DPF3: variants seen among roughly 807,000 people sequenced by gnomAD.
DPF3 encodes the protein zinc finger protein DPF3.
Under a neutral mutation model 56.8 loss-of-function variants are expected in DPF3, and 18 were observed. That is an observed-to-expected ratio of 0.32 (90% CI 0.22 to 0.47). DPF3 has a LOEUF of 0.47. Among genes scored for constraint, DPF3 ranks in the 20% least tolerant of loss-of-function variants. The pLI, the probability that DPF3 is intolerant of heterozygous loss-of-function variation, is 1.00. For missense variants in DPF3, 403 were observed against 488.8 expected, an observed-to-expected ratio of 0.82 and a Z score of 1.65; for synonymous variants, 188 against 180.2, an observed-to-expected ratio of 1.04 and a Z score of -0.35.
chr14:72,853,034 C>G (rs201025315), intron 1 of DPF3, among the ~76,000 whole-genome samples: 40 of 144,112 alleles, frequency 2.8e-4, no homozygotes, highest in African/African-American at 1.0e-3. Context: ...CATAGCCTTG[C>G]GTGTGTGTGT....
chr14:72,844,223 G>A (rs775862819), intron 1 of DPF3, among the ~76,000 whole-genome samples: 6 of 152,120 alleles, frequency 3.9e-5, no homozygotes, highest in African/African-American at 7.2e-5. Flanking sequence ...AGAACAAAAC[G>A]TTAGAAAACT....
chr14:72,716,593 T>C (rs1888938547), intron 5 of DPF3, among the ~76,000 whole-genome samples: 1 of 152,118 alleles, frequency 6.6e-6, no homozygotes, highest in Non-Finnish European at 1.5e-5. Context: ...GGTTTACAAG[T>C]TGATTTTGTC....
At chr14:72,831,586 G>A (rs535910445) in intron 1 of DPF3, among the ~76,000 whole-genome samples, 1 of 152,322 alleles carries the variant, frequency 6.6e-6, no homozygotes, top group South Asian at 2.1e-4. Flanking sequence ...GGGAAACTGA[G>A]GCTCAGAGAG....
intron 1 of DPF3, among the ~76,000 whole-genome samples, chr14:72,782,781 C>A (rs543880735): frequency 3.9e-5 from 6 of 151,994 alleles, no homozygotes; most frequent in Middle Eastern, 3.4e-3. Flanking sequence ...TGCAGTGAGC[C>A]GAGATTGCAC....
chr14:72,795,579 A>T (rs1892616777), intron 1 of DPF3, among the ~76,000 whole-genome samples: 1 of 152,188 alleles, frequency 6.6e-6, no homozygotes, highest in African/African-American at 2.4e-5. Context: ...TTATTCTATT[A>T]GTTTGGTTCT....
intron 1 of DPF3, among the ~76,000 whole-genome samples, chr14:72,801,801 A>G (rs1013889093): frequency 6.6e-6 from 1 of 152,202 alleles, no homozygotes; most frequent in Admixed American, 6.5e-5. Flanking sequence ...AAGACACAAC[A>G]CGGGAGGACC....
intron 3 of DPF3, among the ~76,000 whole-genome samples, chr14:72,746,742 C>T (rs1450444094): frequency 1.3e-5 from 2 of 152,246 alleles, no homozygotes; most frequent in African/African-American, 4.8e-5. Flanking sequence ...CTGGGGTGGA[C>T]TTTCACCACT....
At chr14:72,887,740 G>A (rs775797306) in intron 1 of DPF3, among the ~76,000 whole-genome samples, 18 of 152,238 alleles carry the variant, frequency 1.2e-4, no homozygotes, top group Non-Finnish European at 1.8e-4. Flanking sequence ...CTCTGGAAGC[G>A]GAGCTCAAGG....
Position 72,753,364 on chromosome 14 carries a change from G to A in DPF3, c.201C>T (p.Ala67=). 1 of 1,611,088 alleles carries A rather than the reference G, an allele frequency of 6.2e-7. No homozygotes were observed. Among genetic ancestry groups the A allele is most frequent in the Non-Finnish European group, 8.5e-7 (1 of 1,179,328 alleles). The stretch of plus-strand genomic sequence containing the variant: ...CAGGGTATGTATACAGCTGGCCCGG[G>A]GCAAGGCCTGTGGACAGAGACAATA... ...MEKRHRGPGL[A]PGQLYTYPAR... The change falls in exon 3 of 11, where the codon GCC becomes GCT. Residue 67 remains alanine (A), a synonymous_variant. Transcript: ENST00000556509.
chr14:72,794,029 C>T (rs907823280), intron 1 of DPF3, among the ~76,000 whole-genome samples: 3 of 152,210 alleles, frequency 2.0e-5, no homozygotes, highest in African/African-American at 7.2e-5. Flanking sequence ...CATGCTGCCC[C>T]ATGTGGGAGG....
chr14:72,793,168 C>T (rs191322528), intron 1 of DPF3, among the ~76,000 whole-genome samples: 5 of 152,252 alleles, frequency 3.3e-5, no homozygotes, highest in South Asian at 2.1e-4. Flanking sequence ...TGATCACTAC[C>T]GCAAATGAAG....
rs768795996 is a variant in DPF3, at chr14:72,771,744, T to C, written c.182A>G (p.His61Arg). ...GTGGCGCAGCTCACCTGGGCCTCGG[T>C]GCCTCTTCTCCATCCAGATGTAGCA... ...NNCYIWMEKR[H>R]RGPGLAPGQL... The change falls in exon 2 of 11, where the codon CAC becomes CGC. Residue 61 changes from histidine (H) to arginine (R), a missense_variant. By Grantham distance (29) the His-to-Arg change is conservative. Around this residue, in one of 2 missense-constraint regions of DPF3, gnomAD observed 340 missense variants for 374.3 expected, o/e 0.91. Coordinates refer to ENST00000556509, the MANE Select transcript of DPF3 (RefSeq NM_001280542.3). The C allele has an allele frequency of 8.7e-6, 14 of 1,612,628 alleles. No individual in the cohort carries two copies. In the Admixed American group the frequency reaches 2.2e-4, roughly 25 times the overall value.
At chr14:72,674,156 C>T in intron 8 of DPF3, 84 bp downstream of exon 8, 1 of 1,504,942 alleles carries the variant, frequency 6.6e-7, no homozygotes, top group Non-Finnish European at 8.9e-7. Flanking sequence ...CCTCTCCAGT[C>T]TCCAGCACCA....
chr14:72,889,940 T>C (rs1375555964), intron 1 of DPF3, among the ~76,000 whole-genome samples: 2 of 152,248 alleles, frequency 1.3e-5, no homozygotes. Context: ...TGGGTCTCTT[T>C]ATAAATAATT....
At chr14:72,889,680 A>C (rs1886676867) in intron 1 of DPF3, among the ~76,000 whole-genome samples, 1 of 152,224 alleles carries the variant, frequency 6.6e-6, no homozygotes, top group Admixed American at 6.5e-5. Context: ...AAACCACTTT[A>C]GATTAGAATA....
chr14:72,620,149 T>C (rs1884337029), intron 9 of DPF3, among the ~76,000 whole-genome samples, 165 bp from the exon 10 acceptor site: 2 of 152,136 alleles, frequency 1.3e-5, no homozygotes, highest in Admixed American at 1.3e-4. Flanking sequence ...CCTGTGCTTT[T>C]CCCACAACTG....
intron 1 of DPF3, among the ~76,000 whole-genome samples, chr14:72,838,982 A>G (rs1184914025): frequency 1.5e-5 from 2 of 131,144 alleles, no homozygotes; most frequent in Non-Finnish European, 3.0e-5. Flanking sequence ...GTTCAGTGGC[A>G]TGATCTCGGC....
intron 8 of DPF3, among the ~76,000 whole-genome samples, chr14:72,658,064 A>G (rs1886106026): frequency 6.6e-6 from 1 of 152,268 alleles, no homozygotes; most frequent in South Asian, 2.1e-4. Context: ...AGATGCATAC[A>G]AAACATAAAA....
chr14:72,838,210 C>G (rs1884376729), intron 1 of DPF3, among the ~76,000 whole-genome samples: 1 of 152,144 alleles, frequency 6.6e-6, no homozygotes, highest in Admixed American at 6.5e-5. Flanking sequence ...AACACAGCAC[C>G]AGGCCGGGCA....
Sources: gnomAD v4.1 joint callset for allele counts (sites outside exome capture counted in the v4.1 genomes callset) on GRCh38, gnomAD v4.1.1 for gene constraint, gnomAD v4.1.1 regional missense constraint, MANE v1.5 for transcripts, NCBI Gene and HGNC (gene_info 2026-07-23, HGNC 2026-07-21) for gene names.